Variants in LRP1B observed in about 807,000 individuals in gnomAD.
LRP1B encodes LDL receptor related protein 1B.
A neutral mutation model predicts 556.6 loss-of-function variants in LRP1B; 217 were observed. That is an observed-to-expected ratio of 0.39 (90% confidence interval 0.35 to 0.44). The LOEUF (loss-of-function observed/expected upper bound fraction) is 0.44, where lower values mean the gene tolerates loss of function less well. LRP1B is among the 20% of genes least tolerant of loss of function. LRP1B has a pLI of 1.00. For synonymous variants in LRP1B, 2,047 were observed against 1,865.8 expected (o/e 1.10, Z -2.50); for missense variants, 5,053 against 5,620.8 (o/e 0.90, Z 3.23).
intron 84 of LRP1B, among the ~76,000 whole-genome samples, chr2:140,291,218 C>T (rs1466665132): frequency 6.8e-6 from 1 of 148,132 alleles, no homozygotes; most frequent in Non-Finnish European, 1.5e-5. Context: ...GCTGTTCCCC[C>T]TTGCTGCTTA....
intron 7 of LRP1B, among the ~76,000 whole-genome samples, chr2:141,097,431 T>A (rs1700350662): frequency 6.6e-6 from 1 of 150,432 alleles, no homozygotes. Flanking sequence ...AGAGGGGGAG[T>A]AAGAAAAAGA....
intron 3 of LRP1B, among the ~76,000 whole-genome samples, chr2:141,310,274 T>C (rs1686763158): frequency 6.6e-6 from 1 of 152,178 alleles, no homozygotes; most frequent in Non-Finnish European, 1.5e-5. Context: ...ATAAACTCAA[T>C]CTTTGGTTTA....
intron 35 of LRP1B, among the ~76,000 whole-genome samples, chr2:140,730,334 C>A (rs758608322): frequency 2.0e-5 from 3 of 152,110 alleles, no homozygotes; most frequent in Non-Finnish European, 2.9e-5. Flanking sequence ...TTGATGAAGT[C>A]CAGGTTCTTT....
At chr2:140,451,524 G>A (rs576475469) in intron 62 of LRP1B, among the ~76,000 whole-genome samples, 1 of 152,286 alleles carries the variant, frequency 6.6e-6, no homozygotes, top group Admixed American at 6.5e-5. Context: ...ATGAGGATCT[G>A]AAGATAATCT....
chr2:142,098,542 G>A (rs1185694781), intron 1 of LRP1B, among the ~76,000 whole-genome samples: 3 of 151,618 alleles, frequency 2.0e-5, no homozygotes, highest in African/African-American at 7.3e-5. Context: ...ACCCAAATGT[G>A]TACCCATTTT....
intron 7 of LRP1B, among the ~76,000 whole-genome samples, chr2:141,070,425 T>C (rs1392579658): frequency 6.6e-6 from 1 of 151,556 alleles, no homozygotes; most frequent in Non-Finnish European, 1.5e-5. Context: ...ATTGACACCC[T>C]AACATCACTA....
intron 88 of LRP1B, among the ~76,000 whole-genome samples, 175 bp downstream of exon 88, chr2:140,239,267 G>T (rs1680844896): frequency 6.6e-6 from 1 of 150,776 alleles, no homozygotes; most frequent in South Asian, 2.1e-4. Context: ...CATGGGAGAA[G>T]ACTTGTCTAA....
At chr2:141,480,257 T>C (rs1682870235) in intron 3 of LRP1B, 139 bp downstream of exon 3, 3 of 929,140 alleles carry the variant, frequency 3.2e-6, no homozygotes, top group East Asian at 5.3e-5. Flanking sequence ...TATTAAAATG[T>C]CTGGCAGTAA....
chr2:141,243,953 C>T (rs1031448237), intron 5 of LRP1B, among the ~76,000 whole-genome samples: 1 of 152,132 alleles, frequency 6.6e-6, no homozygotes. Flanking sequence ...GAATTTTACT[C>T]GGGTTCAGGT....
chr2:141,227,844 C>G (rs1683305247), intron 6 of LRP1B, among the ~76,000 whole-genome samples: 1 of 152,156 alleles, frequency 6.6e-6, no homozygotes, highest in African/African-American at 2.4e-5. Flanking sequence ...GAAACGAGAT[C>G]AAATATTCTA....
At chr2:141,601,243 T>TATCTATCTATCTATC in intron 2 of LRP1B, among the ~76,000 whole-genome samples, 1 of 150,788 alleles carries the variant, frequency 6.6e-6, no homozygotes, top group South Asian at 2.1e-4. Flanking sequence ...TCTATCTATC[T>TATCTATCTATCTATC]TAATAACAGC....
intron 41 of LRP1B, among the ~76,000 whole-genome samples, chr2:140,679,208 A>T (rs1056641441): frequency 2.5e-4 from 38 of 152,172 alleles, no homozygotes; most frequent in Non-Finnish European, 8.8e-5. Context: ...GAGTCCACCC[A>T]TTATGACCTC....
intron 2 of LRP1B, among the ~76,000 whole-genome samples, chr2:141,762,957 CTA>C (rs1694610284): frequency 6.6e-6 from 1 of 152,186 alleles, no homozygotes; most frequent in Non-Finnish European, 1.5e-5. Context: ...CCCCAAATTG[CTA>C]TGACAATTAA....
At chr2:140,888,960 CAAAAA>C (rs35546727) in intron 23 of LRP1B, among the ~76,000 whole-genome samples, 1 of 78,034 alleles carries the variant, frequency 1.3e-5, no homozygotes, top group Non-Finnish European at 2.8e-5. Flanking sequence ...GAGTCTGTCT[CAAAAA>C]AAAAAAAAAA....
At chr2:140,625,650 A>G (rs1683630318) in intron 41 of LRP1B, among the ~76,000 whole-genome samples, 1 of 152,244 alleles carries the variant, frequency 6.6e-6, no homozygotes, top group Admixed American at 6.5e-5. Context: ...ATCACATGTC[A>G]TTAGGAAACT....
chr2:141,725,646 A>T (rs965213920), intron 2 of LRP1B, among the ~76,000 whole-genome samples: 1 of 151,894 alleles, frequency 6.6e-6, no homozygotes, highest in Non-Finnish European at 1.5e-5. Flanking sequence ...TTTTAAAAAG[A>T]ATACAAGTAG....
rs143133719 is a variant in LRP1B, at chr2:141,901,052, C to A, written c.83-90651G>T. ...TCAGAAAAATAGTGAGCAAGGCAAC[C>A]AATACGGTTCTTCTTAAAACACATT... is the stretch of plus-strand genomic sequence containing the variant. On this transcript the variant is annotated intron_variant, in intron 1 of 90. Coordinates refer to ENST00000389484, the MANE Select transcript of LRP1B (RefSeq NM_018557.3). 3.5e-3 allele frequency among the ~76,000 whole-genome samples: 526 copies of A among 152,074 alleles called. 3 individuals carry two copies. Among genetic ancestry groups the A allele is most frequent in the African/African-American group, 0.011 (460 of 41,520 alleles).
chr2:140,804,593 G>T (rs1405229952), intron 32 of LRP1B, among the ~76,000 whole-genome samples: 1 of 145,372 alleles, frequency 6.9e-6, no homozygotes, highest in East Asian at 2.1e-4. Context: ...CATTTTAAAA[G>T]CTTATCATTG....
At chr2:141,119,418 T>G (rs556088067) in intron 7 of LRP1B, among the ~76,000 whole-genome samples, 1 of 151,988 alleles carries the variant, frequency 6.6e-6, no homozygotes, top group Admixed American at 6.6e-5. Flanking sequence ...CTAAAAGTTT[T>G]CAATTAAAAA....
Sources: allele counts gnomAD v4.1 joint callset (sites outside exome capture counted in the v4.1 genomes callset), GRCh38; gene constraint gnomAD v4.1.1; transcripts MANE v1.5; gene names NCBI Gene and HGNC (gene_info 2026-07-23, HGNC 2026-07-21).